The following DAPK2 variants were observed in gnomAD, a reference collection of about 807,000 sequenced individuals.
The protein encoded by DAPK2 is death-associated protein kinase 2.
Under a neutral mutation model 44.1 loss-of-function variants are expected in DAPK2, and 35 were observed. The observed-to-expected ratio is 0.79, with a 90% CI of 0.61 to 1.05. DAPK2 has a LOEUF of 1.05. Ranked by LOEUF, DAPK2 falls within the 50% of genes least tolerant of loss-of-function variation. DAPK2 has a pLI of 0.00. For synonymous variants in DAPK2, 174 were observed against 182.6 expected, an observed-to-expected ratio of 0.95 and a Z score of 0.38; for missense variants, 453 against 483.2, an observed-to-expected ratio of 0.94 and a Z score of 0.59.
chr15:63,944,339 C>T (rs1288571902), intron 3 of DAPK2, among the ~76,000 whole-genome samples: 2 of 152,096 alleles, frequency 1.3e-5, no homozygotes, highest in African/African-American at 4.8e-5. Context: ...GCCATGGCTC[C>T]CTGCTATCCA....
chr15:63,971,016 G>A (rs2078197401), intron 3 of DAPK2, among the ~76,000 whole-genome samples: 1 of 152,200 alleles, frequency 6.6e-6, no homozygotes, highest in South Asian at 2.1e-4. Context: ...GCTGCACTAT[G>A]AATGGGTCTG....
chr15:63,948,246 G>GGGAGA (rs2077498167), intron 3 of DAPK2, among the ~76,000 whole-genome samples: 1 of 115,524 alleles, frequency 8.7e-6, no homozygotes, highest in African/African-American at 3.4e-5. Flanking sequence ...ATTCCAGCCT[G>GGGAGA]CATGATGGAG....
chr15:63,946,906 C>T (rs1240434492), intron 3 of DAPK2, among the ~76,000 whole-genome samples: 2 of 152,220 alleles, frequency 1.3e-5, no homozygotes, highest in Non-Finnish European at 2.9e-5. Flanking sequence ...GAAAGGAAGG[C>T]CGCTCCATGC....
At chr15:63,955,465 G>A (rs2077697233) in intron 3 of DAPK2, among the ~76,000 whole-genome samples, 1 of 152,116 alleles carries the variant, frequency 6.6e-6, no homozygotes, top group Non-Finnish European at 1.5e-5. Context: ...TTTTTGTCTG[G>A]TTTTGGTATA....
chr15:63,970,243 T>C (rs1476947068), intron 3 of DAPK2, among the ~76,000 whole-genome samples: 1 of 152,230 alleles, frequency 6.6e-6, no homozygotes, highest in Non-Finnish European at 1.5e-5. Context: ...GACCCTTGTG[T>C]CTGCTTCCTG....
intron 1 of DAPK2, among the ~76,000 whole-genome samples, chr15:63,998,507 A>C (rs2079005718): frequency 6.6e-6 from 1 of 152,190 alleles, no homozygotes; most frequent in African/African-American, 2.4e-5. Context: ...CTCCTGCCAG[A>C]GGCTGGGCCT....
At chr15:63,956,379 C>G (rs2077723729) in intron 3 of DAPK2, among the ~76,000 whole-genome samples, 1 of 151,870 alleles carries the variant, frequency 6.6e-6, no homozygotes, top group Admixed American at 6.6e-5. Context: ...TTTCAATATA[C>G]CCCATAGGTT....
chr15:63,962,598 G>C (rs2077938545), intron 3 of DAPK2, among the ~76,000 whole-genome samples: 1 of 152,214 alleles, frequency 6.6e-6, no homozygotes, highest in African/African-American at 2.4e-5. Flanking sequence ...AAGTCTGTTG[G>C]AGTTTGCTGG....
intron 10 of DAPK2, chr15:63,909,317 A>T (rs1596375728): frequency 6.6e-6 from 1 of 151,684 alleles, no homozygotes; most frequent in Non-Finnish European, 1.5e-5. Context: ...CCTAAACAAA[A>T]GGACCTATCA....
intron 5 of DAPK2, 63 bp downstream of exon 6, chr15:63,930,344 G>A: frequency 1.3e-6 from 2 of 1,490,530 alleles, no homozygotes; most frequent in South Asian, 2.3e-5. Flanking sequence ...ACCTGGAGCA[G>A]GATCTGAGGC....
intron 1 of DAPK2, among the ~76,000 whole-genome samples, chr15:64,006,095 G>A (rs2079221761): frequency 6.7e-6 from 1 of 148,744 alleles, no homozygotes; most frequent in Admixed American, 6.7e-5. Flanking sequence ...AACCCAGCCA[G>A]CTCAGCATGG....
intron 1 of DAPK2, among the ~76,000 whole-genome samples, chr15:64,035,108 C>T (rs913357541): frequency 1.3e-5 from 2 of 150,888 alleles, no homozygotes; most frequent in African/African-American, 4.9e-5. Flanking sequence ...GCAGAGGTTG[C>T]AGTGAGCTGA....
intron 1 of DAPK2, among the ~76,000 whole-genome samples, chr15:64,039,708 G>T (rs2080303773): frequency 6.6e-6 from 1 of 152,166 alleles, no homozygotes; most frequent in Admixed American, 6.5e-5. Flanking sequence ...AAAACTTCAT[G>T]ATGGGGCTCG....
chr15:63,969,707 T>C (rs1460543), intron 3 of DAPK2, among the ~76,000 whole-genome samples: 139,974 of 151,608 alleles, frequency 0.92, 65,305 homozygotes, highest in East Asian at 1. Flanking sequence ...CACCACTGTG[T>C]TCCAGTTGGG....
intron 1 of DAPK2, among the ~76,000 whole-genome samples, chr15:63,998,947 G>A (rs886660027): frequency 6.6e-6 from 1 of 152,154 alleles, no homozygotes; most frequent in Non-Finnish European, 1.5e-5. Flanking sequence ...CAGCTTCCTC[G>A]CAAATCTTCT....
chr15:63,998,536 A>G lies in DAPK2; in HGVS notation c.93-14782T>C, dbSNP rs1241160401. On this transcript the variant is annotated intron_variant, in intron 1 of 10. Transcript: ENST00000261891. ...TGGGCCTGGCTGGCAAGCCTCCTCT[A>G]TACACAGAGAAGGGTCCCCACATAT... is the stretch of plus-strand genomic sequence containing the variant. 2.0e-5 allele frequency among the ~76,000 whole-genome samples: 3 copies of G among 152,250 alleles called. No individual in the cohort carries two copies. In the East Asian group the frequency reaches 5.8e-4, roughly 29 times the overall value.
intron 1 of DAPK2, among the ~76,000 whole-genome samples, chr15:64,023,291 G>A (rs28678188): frequency 0.2 from 30,291 of 152,136 alleles, 3,119 homozygotes; most frequent in South Asian, 0.24. Flanking sequence ...TCAATGCATG[G>A]GTGAGACCTA....
intron 8 of DAPK2, among the ~76,000 whole-genome samples, chr15:63,913,272 G>A (rs1473151680): frequency 1.3e-5 from 2 of 152,182 alleles, no homozygotes; most frequent in Non-Finnish European, 2.9e-5. Flanking sequence ...TCTGGAATTA[G>A]ATAGTGATGT....
rs754427380 is a variant in DAPK2, at chr15:64,029,984, C to T, written c.92+10186G>A. On this transcript the variant is annotated intron_variant, in intron 1 of 10. Transcript: ENST00000261891. ...GGTGTAGGGAGCCCCTCTCTGACACCCCTCTCTCTAAAGTCTGCTGTATGG... is the reference window on the plus strand; with the variant it reads ...GGTGTAGGGAGCCCCTCTCTGACACTCCTCTCTCTAAAGTCTGCTGTATGG... 3.9e-5 allele frequency: 6 copies of T among 152,790 alleles called. No homozygotes were observed. The Admixed American group carries it at 3.9e-4, about 10-fold the overall frequency. The allele number at this position is 152,790 out of a possible 1,614,324, so 9.5% of individuals were successfully genotyped here. A position where few individuals can be genotyped will look rare whatever the true frequency, so the allele number is the denominator to read the frequency against.
Sources: allele counts gnomAD v4.1 joint callset (sites outside exome capture counted in the v4.1 genomes callset), GRCh38; gene constraint gnomAD v4.1.1; transcripts MANE v1.5; gene names NCBI Gene and HGNC (gene_info 2026-07-23, HGNC 2026-07-21).